The following PLCE1 variants were observed in gnomAD, a reference collection of about 807,000 sequenced individuals.
PLCE1 encodes the protein phospholipase C epsilon 1.
A neutral mutation model predicts 242.8 loss-of-function variants in PLCE1; 119 were observed. That is an observed-to-expected ratio of 0.49 (90% CI 0.42 to 0.57). PLCE1 has a LOEUF of 0.57. Among genes scored for constraint, PLCE1 ranks in the 20% least tolerant of loss-of-function variants. PLCE1 has a pLI of 0.00. For missense variants in PLCE1, 2,441 were observed against 2,788.8 expected (o/e 0.88, Z 2.81); for synonymous variants, 945 against 1,017.4 (o/e 0.93, Z 1.35).
intron 4 of PLCE1, among the ~76,000 whole-genome samples, chr10:94,218,926 TTAATTA>T (rs1356170647): frequency 9.5e-5 from 14 of 147,278 alleles, no homozygotes; most frequent in Non-Finnish European, 2.1e-4. Context: ...TATAAAAATT[TTAATTA>T]TAATTATATT....
chr10:94,234,237 C>G lies in PLCE1; in HGVS notation c.2139C>G (p.Leu713=). The G allele has an allele frequency of 6.2e-7, 1 of 1,614,114 alleles. No individual in the cohort carries two copies. The part of the protein sequence containing the change: ...VPFCGVFLKE[L]CEVLDGASGL... ...TCTGTGGGGTGTTTCTGAAGGAGCTCTGTGAAGTGCTTGACGGCGCCTCCG... is the reference window on the plus strand; with the variant it reads ...TCTGTGGGGTGTTTCTGAAGGAGCTGTGTGAAGTGCTTGACGGCGCCTCCG... The change falls in exon 6 of 33, where the codon CTC becomes CTG. Residue 713 remains leucine (L), a synonymous_variant. Coordinates refer to ENST00000371380, the MANE Select transcript of PLCE1 (RefSeq NM_016341.4).
intron 1 of PLCE1, among the ~76,000 whole-genome samples, chr10:93,999,988 G>C (rs2060903386): frequency 6.6e-6 from 1 of 152,210 alleles, no homozygotes; most frequent in Non-Finnish European, 1.5e-5. Flanking sequence ...ACATAATCCA[G>C]AGTGATATTG....
rs558721693 is a variant in PLCE1 at position 94,127,293 on chromosome 10, C to G, written c.1207-4881C>G. 4.6e-5 allele frequency among the ~76,000 whole-genome samples: 7 copies of G among 152,122 alleles called. No individual in the cohort carries two copies. The East Asian group carries it at 9.7e-4, about 21-fold the overall frequency. On this transcript the variant is annotated intron_variant, in intron 2 of 32. Transcript: ENST00000371380. ...CTGGATCAACTGATCTCTGCTGGGCCCTCTCATGCATCTGTGGCAGCAGTT... is the reference window on the plus strand; with the variant it reads ...CTGGATCAACTGATCTCTGCTGGGCGCTCTCATGCATCTGTGGCAGCAGTT...
intron 1 of PLCE1, among the ~76,000 whole-genome samples, chr10:94,005,622 C>G (rs1375222601): frequency 6.6e-6 from 1 of 152,206 alleles, no homozygotes; most frequent in Non-Finnish European, 1.5e-5. Context: ...CTTCTGAGCT[C>G]CAAAGCTGCA....
chr10:94,155,160 C>T (rs1333499515), intron 3 of PLCE1, among the ~76,000 whole-genome samples: 2 of 151,978 alleles, frequency 1.3e-5, no homozygotes, highest in Non-Finnish European at 2.9e-5. Context: ...TGAAAACATA[C>T]ATTCACACAA....
At chr10:93,995,143 G>T (rs1564613021) in intron 1 of PLCE1, among the ~76,000 whole-genome samples, 1 of 152,186 alleles carries the variant, frequency 6.6e-6, no homozygotes, top group Non-Finnish European at 1.5e-5. Flanking sequence ...ATTTTTGAGA[G>T]CCTGACTTGG....
chr10:94,206,951 A>T (rs903406380), intron 4 of PLCE1, among the ~76,000 whole-genome samples: 20 of 152,254 alleles, frequency 1.3e-4, no homozygotes, highest in African/African-American at 4.6e-4. Flanking sequence ...CAATATGTTT[A>T]AAATGTTTTG....
At chr10:94,183,739 G>T (rs1156768033) in intron 4 of PLCE1, among the ~76,000 whole-genome samples, 1 of 152,166 alleles carries the variant, frequency 6.6e-6, no homozygotes, top group Non-Finnish European at 1.5e-5. Context: ...TCCACTTCTG[G>T]TGAGGCCTCG....
Position 94,042,133 on chromosome 10 carries a change from G to C in PLCE1, c.1206+9881G>C, listed in dbSNP as rs77572121. Among the ~76,000 whole-genome samples, 1,320 of 152,216 alleles carry C rather than the reference G, an allele frequency of 8.7e-3. 7 individuals are homozygous for C. Among genetic ancestry groups the C allele is most frequent in the Non-Finnish European group, 0.014 (949 of 68,010 alleles). ...TCTGTGGCTTCCTGATTTAAATCCT[G>C]ACCCTGAGTTTCAGGTTGAGTATTC... On this transcript the variant is annotated intron_variant, in intron 2 of 32. Transcript: ENST00000371380.
chr10:94,211,807 G>A (rs1279532144), intron 4 of PLCE1, among the ~76,000 whole-genome samples: 4 of 152,156 alleles, frequency 2.6e-5, no homozygotes, highest in African/African-American at 9.7e-5. Context: ...TTCTAGAGAA[G>A]GAGGGGTGTA....
chr10:94,198,707 G>A (rs970000998), intron 4 of PLCE1, among the ~76,000 whole-genome samples: 1 of 152,146 alleles, frequency 6.6e-6, no homozygotes, highest in Non-Finnish European at 1.5e-5. Flanking sequence ...GAATCTTACA[G>A]TAGGTAGTCT....
intron 2 of PLCE1, among the ~76,000 whole-genome samples, chr10:94,054,435 C>T (rs1277155657): frequency 6.6e-6 from 1 of 152,138 alleles, no homozygotes; most frequent in Non-Finnish European, 1.5e-5. Context: ...TATACCCTCC[C>T]TCTTCCCATC....
chr10:94,233,988 T>G, intron 5 of PLCE1, 66 bp from the exon 6 acceptor site: 1 of 1,388,956 alleles, frequency 7.2e-7, no homozygotes. Flanking sequence ...GTATGGAATT[T>G]AGGCTCCTTG....
At chr10:94,261,151 C>G (rs1034480461) in intron 13 of PLCE1, among the ~76,000 whole-genome samples, 10 of 152,120 alleles carry the variant, frequency 6.6e-5, no homozygotes, top group Non-Finnish European at 1.0e-4. Context: ...TTCCATCCCC[C>G]CCGCGACCTC....
chr10:94,089,429 C>A (rs1323542443), intron 2 of PLCE1: 3 of 1,409,130 alleles, frequency 2.1e-6, no homozygotes, highest in African/African-American at 1.4e-5. Flanking sequence ...TGCATGGAAT[C>A]CTGGGGACTG....
chr10:94,257,619 T>G (rs368555908), intron 11 of PLCE1, among the ~76,000 whole-genome samples: 5 of 152,254 alleles, frequency 3.3e-5, no homozygotes, highest in Middle Eastern at 3.4e-3. Flanking sequence ...ATGTCCTTTG[T>G]GGGGACATAG....
At chr10:94,293,865 T>G (rs1339160281) in intron 23 of PLCE1, among the ~76,000 whole-genome samples, 3 of 152,074 alleles carry the variant, frequency 2.0e-5, no homozygotes, top group Non-Finnish European at 4.4e-5. Flanking sequence ...CCAGCACTTT[T>G]GGAGGCCAAG....
intron 22 of PLCE1, chr10:94,287,333 ATTTG>A (rs2052486321): frequency 6.6e-6 from 1 of 152,150 alleles, no homozygotes; most frequent in African/African-American, 2.4e-5. Flanking sequence ...TTTTACAATC[ATTTG>A]TTTGATGCAC....
intron 29 of PLCE1, among the ~76,000 whole-genome samples, chr10:94,318,842 G>GT (rs1350138367): frequency 1.3e-5 from 2 of 152,178 alleles, no homozygotes; most frequent in African/African-American, 2.4e-5. Context: ...AGGCTCAGGA[G>GT]TTTGAGACCA....
Sources: gnomAD v4.1 joint callset for allele counts (sites outside exome capture counted in the v4.1 genomes callset) on GRCh38, gnomAD v4.1.1 for gene constraint, MANE v1.5 for transcripts, NCBI Gene and HGNC (gene_info 2026-07-23, HGNC 2026-07-21) for gene names.